WWC1: variants seen among roughly 807,000 people sequenced by gnomAD.
WWC1 encodes WW and C2 domain containing 1.
Under a neutral mutation model 138.4 loss-of-function variants are expected in WWC1, and 55 were observed. The ratio of observed to expected loss-of-function variants is 0.40; its 90% CI spans 0.32 to 0.50. WWC1 has a LOEUF of 0.50. WWC1 is among the 20% of genes least tolerant of loss of function. WWC1 has a pLI of 0.72. For missense variants in WWC1, 1,226 were observed against 1,420.4 expected (o/e 0.86, Z 2.20); for synonymous variants, 524 against 564.9 (o/e 0.93, Z 1.03).
chr5:168,456,592 C>T (rs1263496393), intron 19 of WWC1, among the ~76,000 whole-genome samples: 1 of 150,486 alleles, frequency 6.6e-6, no homozygotes, highest in Non-Finnish European at 1.5e-5. Flanking sequence ...ATCGTACCAT[C>T]GCACTCCAGC....
chr5:168,402,359 C>T (rs1489567719), intron 5 of WWC1, among the ~76,000 whole-genome samples: 1 of 152,190 alleles, frequency 6.6e-6, no homozygotes, highest in African/African-American at 2.4e-5. Context: ...TCCCTGGGTC[C>T]TTGGAAAAGT....
chr5:168,467,908 T>C lies in WWC1; in HGVS notation c.3219T>C (p.Asp1073=). 6.2e-7 allele frequency: 1 copy of C among 1,614,218 alleles called. No homozygotes were observed. The highest frequency in any genetic ancestry group is 1.1e-5 in the South Asian group (1 of 91,084). ...AGATGATGAGGGCAGCTGCCAAGGA[T>C]GTGCACAGGCTCCGAGGCCAGAGCT... ...TDKMMRAAAK[D]VHRLRGQSCK... Residue 1073 remains aspartate (D), a synonymous_variant, in exon 22 of 23, where the codon GAT becomes GAC. Transcript: ENST00000265293.
At position 168,340,620 on chromosome 5, in the gene WWC1, C is replaced by T. The variant is rs114231724; in HGVS notation, c.120-30804C>T. On this transcript the variant is annotated intron_variant, in intron 1 of 22. Coordinates refer to ENST00000265293, the MANE Select transcript of WWC1 (RefSeq NM_015238.3). ...TTTGTGTCTGGCTTCTTTCAGTGAG[C>T]ATGATGTTTTCAGCTTTCATCCATG... Among the ~76,000 whole-genome samples, 175 of 152,264 alleles carry T rather than the reference C, an allele frequency of 1.1e-3. 1 individual carries two copies. The highest frequency in any genetic ancestry group is 3.9e-3 in the African/African-American group (160 of 41,550).
At chr5:168,331,688 G>A (rs1400330165) in intron 1 of WWC1, among the ~76,000 whole-genome samples, 1 of 152,230 alleles carries the variant, frequency 6.6e-6, no homozygotes, top group Non-Finnish European at 1.5e-5. Flanking sequence ...GATAGCTGTG[G>A]CCCCTCTGTG....
intron 2 of WWC1, among the ~76,000 whole-genome samples, chr5:168,375,198 A>G (rs1777072472): frequency 6.6e-6 from 1 of 152,176 alleles, no homozygotes; most frequent in Admixed American, 6.5e-5. Flanking sequence ...TTGGTTGGGA[A>G]TGAAACAGAG....
intron 1 of WWC1, among the ~76,000 whole-genome samples, chr5:168,309,971 G>A (rs1013616425): frequency 3.5e-4 from 54 of 152,174 alleles, no homozygotes; most frequent in Admixed American, 3.5e-3. Context: ...TGCCTTTTCT[G>A]CCATTACCAT....
chr5:168,376,933 C>T (rs760855543), intron 2 of WWC1, among the ~76,000 whole-genome samples: 1 of 152,106 alleles, frequency 6.6e-6, no homozygotes, highest in Non-Finnish European at 1.5e-5. Context: ...AAAAACTATT[C>T]TAAATTCATT....
At position 168,470,606 on chromosome 5, in the gene WWC1, G is replaced by A. The variant is rs6889832; in HGVS notation, c.*1589G>A. 0.12 allele frequency: 18,891 copies of A among 151,750 alleles called. 1,975 individuals carry two copies. Among genetic ancestry groups the A allele is most frequent in the East Asian group, 0.28 (1,424 of 5,124 alleles). The allele number at this position is 151,750 out of a possible 1,614,324, so 9.4% of individuals were successfully genotyped here. The stretch of plus-strand genomic sequence containing the variant: ...TCCCAGCACTTTGGGAGGCTGAGGC[G>A]GGCAGATCAACTGAGATCGGGGGTT... On this transcript the variant is annotated 3_prime_UTR_variant, in exon 23 of 23. Transcript: ENST00000265293.
At chr5:168,379,720 T>C (rs539886836) in intron 2 of WWC1, among the ~76,000 whole-genome samples, 2 of 152,300 alleles carry the variant, frequency 1.3e-5, no homozygotes, top group Admixed American at 6.5e-5. Flanking sequence ...TTTAGAACCA[T>C]GTAAAGAACT....
intron 1 of WWC1, among the ~76,000 whole-genome samples, chr5:168,322,677 T>C (rs1025035787): frequency 2.0e-5 from 3 of 152,210 alleles, no homozygotes; most frequent in Admixed American, 6.5e-5. Context: ...TCAAGATAGA[T>C]GTTATCTCTT....
At chr5:168,301,686 C>T (rs1225836180) in intron 1 of WWC1, among the ~76,000 whole-genome samples, 2 of 151,518 alleles carry the variant, frequency 1.3e-5, no homozygotes, top group East Asian at 3.9e-4. Context: ...TCCTTCTCAG[C>T]TATAAAACAA....
At chr5:168,449,324 G>T (rs1484228205) in intron 17 of WWC1, among the ~76,000 whole-genome samples, 2 of 152,166 alleles carry the variant, frequency 1.3e-5, no homozygotes, top group South Asian at 2.1e-4. Context: ...TGAGCACTTA[G>T]TGGATCTAGA....
chr5:168,439,829 G>C lies in WWC1; in HGVS notation c.2281-1853G>C, dbSNP rs116779361. Among the ~76,000 whole-genome samples the C allele has an allele frequency of 5.5e-3, 831 of 152,244 alleles. 7 individuals are homozygous for C. The highest frequency in any genetic ancestry group is 0.019 in the African/African-American group (793 of 41,546). On this transcript the variant is annotated intron_variant, in intron 15 of 22. Coordinates refer to ENST00000265293, the MANE Select transcript of WWC1 (RefSeq NM_015238.3). ...ACTAAATTCCTTCCGTCGGGTTTCT[G>C]CCATTTTACATTTCCACGAGCAAGG...
At chr5:168,315,591 T>C (rs928927386) in intron 1 of WWC1, among the ~76,000 whole-genome samples, 1 of 151,950 alleles carries the variant, frequency 6.6e-6, no homozygotes, top group Non-Finnish European at 1.5e-5. Flanking sequence ...TACCACAAAG[T>C]AGTAGTTTCT....
intron 1 of WWC1, among the ~76,000 whole-genome samples, chr5:168,317,823 AT>A (rs1771734274): frequency 1.3e-5 from 2 of 152,174 alleles, no homozygotes; most frequent in Admixed American, 1.3e-4. Context: ...CCTCATTTTC[AT>A]TCAGAGTCAC....
rs1395947853 is a variant in WWC1, at chr5:168,447,679, A to T, written c.2525+3094A>T. 7.9e-5 allele frequency among the ~76,000 whole-genome samples: 12 copies of T among 151,822 alleles called. 1 individual carries two copies. The highest frequency in any genetic ancestry group is 7.9e-4 in the Admixed American group (12 of 15,250). ...ACTCTTCTCTCTTACTATTTTTTTC[A>T]TGTGATAAAGCAGATGGCAAGGTTC... On this transcript the variant is annotated intron_variant, in intron 17 of 22. Transcript: ENST00000265293.
chr5:168,374,903 G>A (rs1182220631), intron 2 of WWC1, among the ~76,000 whole-genome samples: 2 of 152,142 alleles, frequency 1.3e-5, no homozygotes, highest in Non-Finnish European at 2.9e-5. Flanking sequence ...CCGATAGATT[G>A]CATGTAAAGT....
At chr5:168,315,796 C>G (rs1256170855) in intron 1 of WWC1, among the ~76,000 whole-genome samples, 1 of 152,154 alleles carries the variant, frequency 6.6e-6, no homozygotes, top group Non-Finnish European at 1.5e-5. Flanking sequence ...TCTGACTCCT[C>G]TCCTGGTGAG....
chr5:168,314,833 G>A (rs1263180132), intron 1 of WWC1, among the ~76,000 whole-genome samples: 1 of 152,188 alleles, frequency 6.6e-6, no homozygotes, highest in Admixed American at 6.5e-5. Flanking sequence ...CTGGCATGAG[G>A]GTGGCAGGAG....
Sources: allele counts gnomAD v4.1 joint callset (sites outside exome capture counted in the v4.1 genomes callset), GRCh38; gene constraint gnomAD v4.1.1; transcripts MANE v1.5; gene names NCBI Gene and HGNC (gene_info 2026-07-23, HGNC 2026-07-21).